The following LRFN5 variants were observed in gnomAD, a reference collection of about 807,000 sequenced individuals.
LRFN5 encodes the protein leucine-rich repeat and fibronectin type-III domain-containing protein 5.
A neutral mutation model predicts 45.6 loss-of-function variants in LRFN5; 24 were observed. The observed-to-expected ratio is 0.53, with a 90% CI of 0.38 to 0.74. The LOEUF is 0.74. Among genes scored for constraint, LRFN5 ranks in the 30% least tolerant of loss-of-function variants. The pLI, the probability that LRFN5 is intolerant of heterozygous loss-of-function variation, is 0.00. For synonymous variants in LRFN5, 340 were observed against 313.8 expected, an observed-to-expected ratio of 1.08 and a Z score of -0.88; for missense variants, 776 against 861.5, an observed-to-expected ratio of 0.90 and a Z score of 1.24.
chr14:41,618,943 C>A (rs1266978882), intron 1 of LRFN5, among the ~76,000 whole-genome samples: 1 of 151,982 alleles, frequency 6.6e-6, no homozygotes, highest in Non-Finnish European at 1.5e-5. Context: ...GTGATATTTC[C>A]TAACATGTGC....
intron 1 of LRFN5, among the ~76,000 whole-genome samples, chr14:41,669,490 T>G (rs2138654560): frequency 6.6e-6 from 1 of 151,800 alleles, no homozygotes; most frequent in East Asian, 1.9e-4. Flanking sequence ...AGAATCCTAT[T>G]AGAAATTCAA....
At chr14:41,850,121 T>C (rs1889213460) in intron 2 of LRFN5, among the ~76,000 whole-genome samples, 1 of 151,936 alleles carries the variant, frequency 6.6e-6, no homozygotes, top group African/African-American at 2.4e-5. Flanking sequence ...TATAATATAG[T>C]ACATGCATGT....
chr14:41,608,967 CAAAGA>C (rs1887618188), intron 1 of LRFN5, among the ~76,000 whole-genome samples: 2 of 152,186 alleles, frequency 1.3e-5, no homozygotes, highest in African/African-American at 4.8e-5. Flanking sequence ...TCATTTAAAC[CAAAGA>C]TCTTTTCTAC....
chr14:41,657,142 A>G (rs1413488704), intron 1 of LRFN5, among the ~76,000 whole-genome samples: 5 of 151,900 alleles, frequency 3.3e-5, no homozygotes, highest in East Asian at 1.9e-4. Context: ...TCTTTCTGCT[A>G]TGTTTCTGAT....
In LRFN5 at chr14:41,726,030, A is replaced by G. The variant is rs186550585; in HGVS notation, c.-196-40824A>G. ...AGATTTTTCCTAGTTTTTAAACACG[A>G]TTGCTCTCAGAAACCTAAGCATAGA... On this transcript the variant is annotated intron_variant, in intron 1 of 5. Transcript: ENST00000298119. 4.2e-4 allele frequency among the ~76,000 whole-genome samples: 64 copies of G among 152,214 alleles called. No individual in the cohort carries two copies. In the East Asian group the frequency reaches 0.011, roughly 26 times the overall value.
chr14:41,834,211 C>G (rs1888582571), intron 2 of LRFN5, among the ~76,000 whole-genome samples: 1 of 152,122 alleles, frequency 6.6e-6, no homozygotes, highest in African/African-American at 2.4e-5. Flanking sequence ...ATTTTTAGAT[C>G]TCATTTTGGT....
At chr14:41,875,103 C>T (rs987266435) in intron 2 of LRFN5, among the ~76,000 whole-genome samples, 7 of 152,176 alleles carry the variant, frequency 4.6e-5, no homozygotes, top group Admixed American at 1.3e-4. Context: ...TAGCCATCTA[C>T]TCCCCAGATT....
chr14:41,817,686 G>A (rs1887968088), intron 2 of LRFN5, among the ~76,000 whole-genome samples: 1 of 152,056 alleles, frequency 6.6e-6, no homozygotes, highest in African/African-American at 2.4e-5. Flanking sequence ...ATTTCAAAAT[G>A]TTTATTTTCA....
At chr14:41,836,004 T>C (rs1386802768) in intron 2 of LRFN5, among the ~76,000 whole-genome samples, 1 of 151,540 alleles carries the variant, frequency 6.6e-6, no homozygotes, top group Non-Finnish European at 1.5e-5. Flanking sequence ...AATACTATAA[T>C]AATCCCATCT....
At chr14:41,861,745 C>A (rs1251357434) in intron 2 of LRFN5, among the ~76,000 whole-genome samples, 5 of 152,120 alleles carry the variant, frequency 3.3e-5, no homozygotes, top group African/African-American at 9.7e-5. Flanking sequence ...TTGTAATATG[C>A]AGAATGGTGC....
chr14:41,743,338 C>G (rs1884787486), intron 1 of LRFN5, among the ~76,000 whole-genome samples: 2 of 152,026 alleles, frequency 1.3e-5, no homozygotes, highest in African/African-American at 4.8e-5. Context: ...ATGCTAGAGA[C>G]TTGAGCCAGT....
At chr14:41,751,382 G>C (rs72668808) in intron 1 of LRFN5, among the ~76,000 whole-genome samples, 1 of 151,826 alleles carries the variant, frequency 6.6e-6, no homozygotes, top group Non-Finnish European at 1.5e-5. Flanking sequence ...TCACAAATTA[G>C]AATATATTGA....
At chr14:41,890,342 T>G (rs1594500605) in intron 3 of LRFN5, among the ~76,000 whole-genome samples, 2 of 152,304 alleles carry the variant, frequency 1.3e-5, no homozygotes, top group East Asian at 3.9e-4. Context: ...TTCATTATCC[T>G]CATGTATAGA....
At chr14:41,647,862 T>A (rs1405981810) in intron 1 of LRFN5, among the ~76,000 whole-genome samples, 5 of 152,254 alleles carry the variant, frequency 3.3e-5, no homozygotes, top group African/African-American at 1.2e-4. Context: ...GGGAGTGTGA[T>A]GATAAATTTT....
intron 1 of LRFN5, among the ~76,000 whole-genome samples, chr14:41,647,927 T>C (rs1879895882): frequency 6.6e-6 from 1 of 152,148 alleles, no homozygotes; most frequent in African/African-American, 2.4e-5. Context: ...GAATAAAGAT[T>C]ACATAGGCAA....
At chr14:41,895,487 G>T (rs181842816) in intron 4 of LRFN5, among the ~76,000 whole-genome samples, 2 of 152,046 alleles carry the variant, frequency 1.3e-5, no homozygotes, top group Non-Finnish European at 2.9e-5. Context: ...TTAGCTGGGG[G>T]CATGGTAGGA....
intron 1 of LRFN5, among the ~76,000 whole-genome samples, chr14:41,690,653 G>T (rs1882339694): frequency 6.6e-6 from 1 of 152,044 alleles, no homozygotes; most frequent in Non-Finnish European, 1.5e-5. Flanking sequence ...ACTTAATAAA[G>T]GACATCTATG....
At chr14:41,773,827 T>C (rs1886179733) in intron 2 of LRFN5, among the ~76,000 whole-genome samples, 1 of 152,242 alleles carries the variant, frequency 6.6e-6, no homozygotes, top group Non-Finnish European at 1.5e-5. Flanking sequence ...CATTAAACTA[T>C]TGTGGTTAAT....
At chr14:41,839,087 G>C (rs1888766600) in intron 2 of LRFN5, among the ~76,000 whole-genome samples, 1 of 152,074 alleles carries the variant, frequency 6.6e-6, no homozygotes, top group South Asian at 2.1e-4. Context: ...GCCTGAGATA[G>C]TGTATTCTAC....
Sources: gnomAD v4.1 joint callset for allele counts (sites outside exome capture counted in the v4.1 genomes callset) on GRCh38, gnomAD v4.1.1 for gene constraint, MANE v1.5 for transcripts, NCBI Gene and HGNC (gene_info 2026-07-23, HGNC 2026-07-21) for gene names.